TBC1D4: variants seen among roughly 807,000 people sequenced by gnomAD.
TBC1D4 encodes TBC (Tre-2, BUB2, CDC16) domain-containing protein.
A neutral mutation model predicts 142.5 loss-of-function variants in TBC1D4; 121 were observed. That is an observed-to-expected ratio of 0.85 (90% CI 0.73 to 0.99). TBC1D4 has a LOEUF of 0.99. TBC1D4 is among the 50% of genes least tolerant of loss of function. TBC1D4 has a pLI of 0.00. For synonymous variants in TBC1D4, 630 were observed against 628.2 expected, an observed-to-expected ratio of 1.00 and a Z score of -0.04; for missense variants, 1,475 against 1,606.6, an observed-to-expected ratio of 0.92 and a Z score of 1.40.
chr13:75,351,634 T>C (rs1366794995), intron 4 of TBC1D4, among the ~76,000 whole-genome samples: 4 of 147,682 alleles, frequency 2.7e-5, no homozygotes, highest in Non-Finnish European at 4.5e-5. Flanking sequence ...GTGTTCTCAT[T>C]GTTCAATTCC....
chr13:75,420,242 A>G (rs1886105850), intron 1 of TBC1D4, among the ~76,000 whole-genome samples: 2 of 152,194 alleles, frequency 1.3e-5, no homozygotes, highest in South Asian at 4.1e-4. Flanking sequence ...GACAAAGGAC[A>G]TCTCTTATCT....
intron 1 of TBC1D4, among the ~76,000 whole-genome samples, chr13:75,424,567 G>A (rs1157822829): frequency 6.6e-6 from 1 of 152,036 alleles, no homozygotes; most frequent in African/African-American, 2.4e-5. Flanking sequence ...GCAATCTTGA[G>A]CAAAATGAAC....
intron 1 of TBC1D4, among the ~76,000 whole-genome samples, chr13:75,470,806 T>A (rs554472082): frequency 6.6e-6 from 1 of 152,230 alleles, no homozygotes. Flanking sequence ...GCCAACATAG[T>A]GAAACCTCGT....
rs368684377 is a variant in TBC1D4, at chr13:75,324,392, C to G, written c.2043G>C (p.Ser681=). Residue 681 remains serine (S), a synonymous_variant, in exon 11 of 21, where the codon TCG becomes TCC. Coordinates refer to ENST00000377636, the MANE Select transcript of TBC1D4 (RefSeq NM_014832.5). ...TCTCCTTGTACATGCGTCGAACTGA[C>G]GAAAGATTGCTGAGTACAGAAAATA... is the stretch of plus-strand genomic sequence containing the variant. ...QSSSEQCSNL[S]SVRRMYKESN... 1 of 1,613,862 alleles carries G rather than the reference C, an allele frequency of 6.2e-7. No individual in the cohort carries two copies. The highest frequency in any genetic ancestry group is 1.7e-5 in the Admixed American group (1 of 60,000).
chr13:75,380,854 C>T (rs145710332), intron 1 of TBC1D4, among the ~76,000 whole-genome samples: 10 of 152,080 alleles, frequency 6.6e-5, no homozygotes, highest in African/African-American at 2.4e-4. Context: ...AGAAAAAGAT[C>T]CTTACCTTTC....
At chr13:75,326,993 A>G (rs529072191) in intron 9 of TBC1D4, among the ~76,000 whole-genome samples, 1 of 152,318 alleles carries the variant, frequency 6.6e-6, no homozygotes, top group East Asian at 1.9e-4. Context: ...CTATTCAATT[A>G]CATGTTCCCT....
At chr13:75,317,652 C>T (rs1236977438) in intron 12 of TBC1D4, among the ~76,000 whole-genome samples, 4 of 152,166 alleles carry the variant, frequency 2.6e-5, no homozygotes, top group Admixed American at 2.0e-4. Flanking sequence ...TATTATAAAA[C>T]TCCTTCCCAA....
intron 13 of TBC1D4, 76 bp from the exon 14 acceptor site, chr13:75,310,227 C>A: frequency 1.4e-6 from 2 of 1,385,812 alleles, no homozygotes; most frequent in South Asian, 1.2e-5. Flanking sequence ...AATTCACATT[C>A]TCATCTGATC....
At chr13:75,351,234 A>C (rs1881559655) in intron 4 of TBC1D4, among the ~76,000 whole-genome samples, 1 of 152,194 alleles carries the variant, frequency 6.6e-6, no homozygotes, top group African/African-American at 2.4e-5. Context: ...ACTATATATC[A>C]AACTTACATA....
chr13:75,287,084 C>T (rs995293645), intron 20 of TBC1D4, 59 bp from the exon 21 acceptor site: 44 of 1,396,124 alleles, frequency 3.2e-5, no homozygotes, highest in Middle Eastern at 3.5e-4. Context: ...GGAGACAGTC[C>T]TTACACATAT....
intron 7 of TBC1D4, among the ~76,000 whole-genome samples, chr13:75,340,581 C>T (rs1880601885): frequency 6.6e-6 from 1 of 151,650 alleles, no homozygotes; most frequent in South Asian, 2.1e-4. Flanking sequence ...TTTTTTTAAC[C>T]AAAACCCACA....
Position 75,327,813 on chromosome 13 carries a change from A to G in TBC1D4, c.1745T>C (p.Met582Thr). ...ENIFSRGANR[M>T]RGRLGSVDSF... is the part of the protein sequence containing the mutation. ...GTCCACACTTCCAAGCCGACCTCTC[A>G]TTCTGTTAGCTCCCTGAGTGAAAAG... Residue 582 changes from methionine (M) to threonine (T), a missense_variant, in exon 9 of 21, where the codon ATG (methionine) becomes ACG (threonine). Met to Thr is a moderately conservative substitution (Grantham distance 81). This residue lies in a region of TBC1D4 where 1,227 missense variants were observed against 1,267.7 expected (regional missense o/e 0.97). Coordinates refer to ENST00000377636, the MANE Select transcript of TBC1D4 (RefSeq NM_014832.5). The G allele has an allele frequency of 1.2e-6, 2 of 1,613,940 alleles. No homozygotes were observed. The highest frequency in any genetic ancestry group is 2.2e-5 in the South Asian group (2 of 91,074).
At chr13:75,422,710 C>A (rs995192021) in intron 1 of TBC1D4, among the ~76,000 whole-genome samples, 2 of 152,026 alleles carry the variant, frequency 1.3e-5, no homozygotes, top group African/African-American at 4.8e-5. Context: ...AAGATAATAT[C>A]AATGAAACCT....
At chr13:75,436,489 C>A (rs1402387550) in intron 1 of TBC1D4, among the ~76,000 whole-genome samples, 3 of 151,938 alleles carry the variant, frequency 2.0e-5, no homozygotes, top group African/African-American at 7.3e-5. Context: ...AACCCCATCT[C>A]TACAAAAAAT....
chr13:75,379,488 G>A (rs552099736), intron 1 of TBC1D4, among the ~76,000 whole-genome samples: 1 of 152,216 alleles, frequency 6.6e-6, no homozygotes, highest in South Asian at 2.1e-4. Flanking sequence ...CTGTCACAAT[G>A]CCTAACATGA....
At chr13:75,320,964 C>T (rs894785057) in intron 11 of TBC1D4, among the ~76,000 whole-genome samples, 3 of 150,540 alleles carry the variant, frequency 2.0e-5, no homozygotes, top group African/African-American at 7.3e-5. Context: ...GGCGTGAACC[C>T]GGGAGGCGGA....
At chr13:75,363,923 A>T (rs1430308776) in intron 1 of TBC1D4, among the ~76,000 whole-genome samples, 1 of 152,250 alleles carries the variant, frequency 6.6e-6, no homozygotes, top group African/African-American at 2.4e-5. Context: ...GGTTAAGGGC[A>T]TGACCATGAC....
At chr13:75,402,654 A>AACACACAC (rs56176942) in intron 1 of TBC1D4, among the ~76,000 whole-genome samples, 8,142 of 142,348 alleles carry the variant, frequency 0.057, 322 homozygotes, top group South Asian at 0.13. Flanking sequence ...ATCCCTAGTA[A>AACACACAC]ACACACACAC....
intron 12 of TBC1D4, among the ~76,000 whole-genome samples, chr13:75,314,970 G>T (rs1039418437): frequency 5.4e-5 from 8 of 148,128 alleles, no homozygotes; most frequent in African/African-American, 2.0e-4. Context: ...ACAGAGCGAG[G>T]CTCCATGTCA....
Sources: gnomAD v4.1 joint callset for allele counts (sites outside exome capture counted in the v4.1 genomes callset) on GRCh38, gnomAD v4.1.1 for gene constraint, gnomAD v4.1.1 regional missense constraint, MANE v1.5 for transcripts, NCBI Gene and HGNC (gene_info 2026-07-23, HGNC 2026-07-21) for gene names.